The following HMGA2 variants were observed in gnomAD, a reference collection of about 807,000 sequenced individuals.
HMGA2 encodes high mobility group protein HMGI-C.
HMGA2 carries 8 observed loss-of-function variants against 19.1 expected under a neutral mutation model. That is an observed-to-expected ratio of 0.42 (90% CI 0.25 to 0.76). HMGA2 has a LOEUF of 0.76. Ranked by LOEUF, HMGA2 falls within the 30% of genes least tolerant of loss-of-function variation. The probability of loss-of-function intolerance (pLI) is 0.28; values close to 1 mark genes in which losing one functional copy is unlikely to be tolerated. For missense variants in HMGA2, 109 were observed against 136.3 expected, an observed-to-expected ratio of 0.80 and a Z score of 1.00; for synonymous variants, 60 against 48.8, an observed-to-expected ratio of 1.23 and a Z score of -0.96.
At chr12:65,836,605 CTG>C (rs899913063) in intron 2 of HMGA2, among the ~76,000 whole-genome samples, 26 of 152,274 alleles carry the variant, frequency 1.7e-4, no homozygotes, top group African/African-American at 6.0e-4. Flanking sequence ...AAGGTAGAGT[CTG>C]TGATCTTCTC....
At chr12:65,842,180 G>A (rs1489226542) in intron 3 of HMGA2, 1 of 1,102,418 alleles carries the variant, frequency 9.1e-7, no homozygotes, top group African/African-American at 1.6e-5. Context: ...TCAAATTCTG[G>A]TCCGTCACTT....
At chr12:65,911,192 G>A (rs548429151) in intron 3 of HMGA2, among the ~76,000 whole-genome samples, 3 of 152,280 alleles carry the variant, frequency 2.0e-5, no homozygotes, top group South Asian at 2.1e-4. Flanking sequence ...ACTTACATTA[G>A]CATTTAAAGT....
intron 1 of HMGA2, chr12:65,826,347 G>A (rs1411350609): frequency 6.6e-6 from 1 of 152,332 alleles, no homozygotes; most frequent in Non-Finnish European, 1.5e-5. Context: ...CAGCGCGCAG[G>A]GCTGGGGGTT....
intron 3 of HMGA2, among the ~76,000 whole-genome samples, chr12:65,914,244 A>G (rs1339698333): frequency 6.6e-6 from 1 of 152,130 alleles, no homozygotes; most frequent in East Asian, 1.9e-4. Flanking sequence ...GAACCAACCC[A>G]AATGTCCAAC....
intron 4 of HMGA2, chr12:65,957,816 A>G (rs900147002): frequency 6.6e-6 from 1 of 152,256 alleles, no homozygotes; most frequent in Non-Finnish European, 1.5e-5. Flanking sequence ...GCTACAGACA[A>G]GAAAAGCAGG....
intron 3 of HMGA2, among the ~76,000 whole-genome samples, chr12:65,932,858 C>T (rs1287975335): frequency 1.3e-5 from 2 of 152,150 alleles, no homozygotes; most frequent in African/African-American, 4.8e-5. Flanking sequence ...CTAAAGCAGC[C>T]ATCTTTCAAA....
intron 3 of HMGA2, among the ~76,000 whole-genome samples, chr12:65,852,517 A>G (rs555208169): frequency 6.6e-6 from 1 of 152,200 alleles, no homozygotes; most frequent in African/African-American, 2.4e-5. Flanking sequence ...AATAATAATA[A>G]TAATAATTAA....
intron 3 of HMGA2, chr12:65,842,727 G>C: frequency 6.9e-7 from 1 of 1,451,780 alleles, no homozygotes; most frequent in Non-Finnish European, 9.1e-7. Flanking sequence ...CTGATTCTCA[G>C]AACTTCTATA....
At chr12:65,838,986 C>CTT (rs1236837070) in intron 3 of HMGA2, among the ~76,000 whole-genome samples, 4 of 91,348 alleles carry the variant, frequency 4.4e-5, no homozygotes, top group Non-Finnish European at 7.4e-5. Flanking sequence ...CTTTTTCTTT[C>CTT]TTTTTCTTTT....
At chr12:65,882,301 G>A in intron 3 of HMGA2, 1 of 222,074 alleles carries the variant, frequency 4.5e-6, no homozygotes, top group Non-Finnish European at 9.2e-6. Flanking sequence ...GCTGTGCTCC[G>A]GGCTGCGCTG....
At chr12:65,887,727 T>A (rs1873718913) in intron 3 of HMGA2, among the ~76,000 whole-genome samples, 1 of 152,044 alleles carries the variant, frequency 6.6e-6, no homozygotes, top group Non-Finnish European at 1.5e-5. Flanking sequence ...AGTTAGGATT[T>A]GTAAAATTTT....
At chr12:65,898,384 C>T (rs1051874954) in intron 3 of HMGA2, among the ~76,000 whole-genome samples, 1 of 152,004 alleles carries the variant, frequency 6.6e-6, no homozygotes, top group African/African-American at 2.4e-5. Context: ...GGGTTCAGAT[C>T]TTTCAGAGAC....
intron 3 of HMGA2, among the ~76,000 whole-genome samples, chr12:65,913,692 C>T (rs1443228121): frequency 1.3e-5 from 2 of 152,154 alleles, no homozygotes; most frequent in Admixed American, 1.3e-4. Context: ...GGCCGTGTTA[C>T]TCACTAGCTG....
intron 3 of HMGA2, among the ~76,000 whole-genome samples, chr12:65,940,965 G>C (rs923412297): frequency 2.6e-5 from 4 of 152,148 alleles, no homozygotes; most frequent in African/African-American, 9.7e-5. Context: ...ATGAAAACTC[G>C]TGTCATCTCA....
At chr12:65,870,218 T>A (rs1278500775) in intron 3 of HMGA2, among the ~76,000 whole-genome samples, 1 of 152,242 alleles carries the variant, frequency 6.6e-6, no homozygotes, top group Admixed American at 6.5e-5. Flanking sequence ...CAACTATGTG[T>A]CAGGTGTTAG....
chr12:65,844,569 T>C (rs1871155117), intron 3 of HMGA2, among the ~76,000 whole-genome samples: 1 of 152,240 alleles, frequency 6.6e-6, no homozygotes, highest in Non-Finnish European at 1.5e-5. Context: ...TGATCATTCA[T>C]GTTTTGATTC....
rs1162717556 is a variant in HMGA2 at position 65,966,030 on chromosome 12, GA to G, written c.*2742del. 26 of 221,384 alleles carry G rather than the reference GA, an allele frequency of 1.2e-4. No individual in the cohort carries two copies. In the East Asian group the frequency reaches 1.7e-3, roughly 15 times the overall value. The allele number at this position is 221,384 out of a possible 1,614,324, so 13.7% of individuals were successfully genotyped here. On this transcript the variant is annotated 3_prime_UTR_variant, in exon 5 of 5. Transcript: ENST00000403681. ...CTGCAAGTTAGGTATGTTTGCAGGA[GA>G]AAAGTATCAAGACGTTTAACTGCAG... is the stretch of plus-strand genomic sequence containing the variant.
intron 3 of HMGA2, among the ~76,000 whole-genome samples, chr12:65,874,997 C>A (rs1325492364): frequency 1.3e-5 from 2 of 152,040 alleles, no homozygotes; most frequent in Admixed American, 6.6e-5. Context: ...GGTTCCCCGC[C>A]CCCCCAGTAA....
At chr12:65,871,165 T>C (rs114104958) in intron 3 of HMGA2, among the ~76,000 whole-genome samples, 3,573 of 152,326 alleles carry the variant, frequency 0.023, 147 homozygotes, top group African/African-American at 0.082. Flanking sequence ...ATAATACAGA[T>C]TTATACAGTT....
Sources: gnomAD v4.1 joint callset for allele counts (sites outside exome capture counted in the v4.1 genomes callset) on GRCh38, gnomAD v4.1.1 for gene constraint, MANE v1.5 for transcripts, NCBI Gene and HGNC (gene_info 2026-07-23, HGNC 2026-07-21) for gene names.